ACBD4: variants seen among roughly 807,000 people sequenced by gnomAD.
ACBD4 encodes the protein acyl-CoA-binding domain-containing protein 4.
A neutral mutation model predicts 46.0 loss-of-function variants in ACBD4; 41 were observed. The observed-to-expected ratio is 0.89, with a 90% CI of 0.69 to 1.16. ACBD4 has a LOEUF of 1.16. Among genes scored for constraint, ACBD4 ranks in the 50% most tolerant of loss-of-function variants. The probability of loss-of-function intolerance (pLI) is 0.00; values close to 1 mark genes in which losing one functional copy is unlikely to be tolerated. For synonymous variants in ACBD4, 162 were observed against 155.9 expected, an observed-to-expected ratio of 1.04 and a Z score of -0.29; for missense variants, 393 against 399.5, an observed-to-expected ratio of 0.98 and a Z score of 0.14.
rs1567896168 is a variant in ACBD4, at chr17:45,136,206, G to A, written c.62G>A (p.Ser21Asn). ...CAGAAACAGTTCCAGGCTGCAGTGAGCGTCATCCAGAACCTGCCCAAGAAC... is the reference window on the plus strand; with the variant it reads ...CAGAAACAGTTCCAGGCTGCAGTGAACGTCATCCAGAACCTGCCCAAGAAC... ...DCQKQFQAAV[S>N]VIQNLPKNGS... Residue 21 changes from serine to asparagine, a missense_variant, in exon 2 of 10, where the codon AGC (serine) becomes AAC (asparagine). Around this residue, in one of 3 missense-constraint regions of ACBD4, gnomAD observed 61 missense variants for 50.3 expected, o/e 1.21. Coordinates refer to ENST00000321854, the MANE Select transcript of ACBD4 (RefSeq NM_001135705.3). The A allele has an allele frequency of 1.2e-6, 2 of 1,613,570 alleles. No homozygotes were observed. The highest frequency in any genetic ancestry group is 1.3e-5 in the African/African-American group (1 of 74,896).
intron 5 of ACBD4, 79 bp downstream of exon 5, chr17:45,137,218 G>A (rs2054910559): frequency 1.2e-6 from 2 of 1,605,816 alleles, no homozygotes; most frequent in Admixed American, 1.7e-5. Context: ...TGGGGGCAGA[G>A]GGCTCCAGGC....
chr17:45,137,099 C>T lies in ACBD4; in HGVS notation c.375C>T (p.Asp125=). ...AGCCCCTGTACCAGGTGATCCCTGA[C>T]ATGCCGAGGCCCCCAGAGACCTTCC... The part of the protein sequence containing the change: ...YFEPLYQVIP[D]MPRPPETFLR... Residue 125 remains aspartate, a synonymous_variant, in exon 5 of 10, where the codon GAC becomes GAT. Transcript: ENST00000321854. 6.2e-7 allele frequency: 1 copy of T among 1,614,138 alleles called. No homozygotes were observed. Among genetic ancestry groups the T allele is most frequent in the Non-Finnish European group, 8.5e-7 (1 of 1,180,020 alleles).
chr17:45,137,554 C>T, intron 6 of ACBD4, 100 bp downstream of exon 6: 1 of 1,435,142 alleles, frequency 7.0e-7, no homozygotes, highest in South Asian at 1.2e-5. Context: ...GACACTGAGA[C>T]TTCCTGTGCT....
At chr17:45,133,733 G>T (rs1355551427), upstream of ACBD4, among the ~76,000 whole-genome samples, 2 of 151,024 alleles carry the variant, frequency 1.3e-5, no homozygotes, top group Non-Finnish European at 3.0e-5. Flanking sequence ...GGGTTTCACC[G>T]TTTTAGCCGG....
chr17:45,133,528 T>C (rs1052700119), upstream of ACBD4, among the ~76,000 whole-genome samples: 9,888 of 119,408 alleles, frequency 0.083, 556 homozygotes, highest in East Asian at 0.16. Context: ...TTCTTTTTTT[T>C]TTTTTTTTTT....
Position 45,137,971 on chromosome 17 carries a change from T to G in ACBD4, c.632T>G (p.Val211Gly). The G allele has an allele frequency of 1.2e-6, 2 of 1,613,672 alleles. No homozygotes were observed. Among genetic ancestry groups the G allele is most frequent in the Non-Finnish European group, 1.7e-6 (2 of 1,179,938 alleles). Residue 211 changes from valine to glycine, a missense_variant, in exon 8 of 10, where the codon GTG (valine) becomes GGG (glycine). Physicochemically the swap from Val to Gly is moderately radical, Grantham distance 109. Around this residue, in one of 3 missense-constraint regions of ACBD4, gnomAD observed 308 missense variants for 301.8 expected, o/e 1.02. Transcript: ENST00000321854. ...GGKRDPRNSP[V>G]PPTKKEGLRG... ...AAGCGTGATCCCAGGAACAGCCCCG[T>G]GCCCCCCACAAAGAAAGGTGAGCTC...
In ACBD4 at chr17:45,137,937, T is replaced by C; in HGVS notation, c.598T>C (p.Ser200Pro). ...GGTTTGGACAGAGCAGCGGGCAGCA[T>C]CTGGAGGAAAGCGTGATCCCAGGAA... ...ELVWTEQRAA[S>P]GGKRDPRNSP... The change falls in exon 8 of 10, where the codon TCT becomes CCT. Residue 200 changes from serine to proline, a missense_variant. Coordinates refer to ENST00000321854, the MANE Select transcript of ACBD4 (RefSeq NM_001135705.3). The C allele has an allele frequency of 6.2e-7, 1 of 1,613,118 alleles. No individual in the cohort carries two copies. The highest frequency in any genetic ancestry group is 1.1e-5 in the South Asian group (1 of 91,042).
At chr17:45,132,444 C>G (rs1195813277), upstream of ACBD4, 1 of 1,178,690 alleles carries the variant, frequency 8.5e-7, no homozygotes, top group East Asian at 3.7e-5. The surrounding 1 kb of genome is among the most constrained non-coding windows in gnomAD (Gnocchi z 4.6). Context: ...GGCCCGGGGT[C>G]TGCACGCGGG....
chr17:45,133,692 C>T (rs534150184), upstream of ACBD4, among the ~76,000 whole-genome samples: 38 of 151,036 alleles, frequency 2.5e-4, no homozygotes, highest in Middle Eastern at 0.014. Flanking sequence ...CCACTACGCC[C>T]GGCTAATTTT....
intron 8 of ACBD4, chr17:45,138,585 G>A (rs1296412118): frequency 5.2e-6 from 1 of 193,940 alleles, no homozygotes; most frequent in African/African-American, 2.3e-5. Context: ...GAGGTCAGGA[G>A]TTTGAGACCA....
chr17:45,143,199 T>C (rs1340400356), intron 9 of ACBD4, among the ~76,000 whole-genome samples: 1 of 152,232 alleles, frequency 6.6e-6, no homozygotes, highest in Non-Finnish European at 1.5e-5. Flanking sequence ...GAAGATGGCA[T>C]GGAAGCCGCT....
At chr17:45,135,988 A>T (rs1428410582) in intron 1 of ACBD4, 35 bp downstream of exon 1, 8 of 679,438 alleles carry the variant, frequency 1.2e-5, no homozygotes, top group African/African-American at 1.8e-5. Flanking sequence ...ACAACTTCTG[A>T]CCTCCCAGGG....
At chr17:45,140,774 A>C (rs893082258) in intron 9 of ACBD4, among the ~76,000 whole-genome samples, 4 of 152,118 alleles carry the variant, frequency 2.6e-5, no homozygotes, top group Non-Finnish European at 5.9e-5. Context: ...GCACTTTGGG[A>C]GGCCAAGGCG....
chr17:45,139,363 G>C (rs963074759), intron 9 of ACBD4, among the ~76,000 whole-genome samples: 1 of 152,168 alleles, frequency 6.6e-6, no homozygotes. Context: ...AGGCACAGTG[G>C]GTGGGGCCCT....
At chr17:45,136,254 T>C (rs1466409922) in intron 2 of ACBD4, 22 bp downstream of exon 2, 3 of 1,611,098 alleles carry the variant, frequency 1.9e-6, no homozygotes, top group Non-Finnish European at 2.5e-6. Context: ...GGGACTCGCA[T>C]TTGGACTCGC....
intron 9 of ACBD4, among the ~76,000 whole-genome samples, chr17:45,139,393 C>T (rs915216821): frequency 6.6e-6 from 1 of 152,166 alleles, no homozygotes; most frequent in Non-Finnish European, 1.5e-5. Flanking sequence ...TCCCCTCCCT[C>T]TGCCTGGAGA....
In ACBD4 at chr17:45,144,058, A is replaced by T. The variant is rs1343418690; in HGVS notation, c.*487A>T. The T allele has an allele frequency of 1.8e-5, 3 of 162,810 alleles. No homozygotes were observed. Among genetic ancestry groups the T allele is most frequent in the Non-Finnish European group, 4.0e-5 (3 of 75,084 alleles). 10.1% of individuals were successfully genotyped at this position (162,810 alleles called of 1,614,324 possible). A position where few individuals can be genotyped will look rare whatever the true frequency, so the allele number is the denominator to read the frequency against. On this transcript the variant is annotated 3_prime_UTR_variant, in exon 10 of 10. Transcript: ENST00000321854. ...GAGCAGGCCCCGGGGGAGGGGGATG[A>T]GCGCAGTTTGCTCGCTTTCCTCCCC...
In ACBD4 at chr17:45,137,120, C is replaced by G. The variant is rs771531216; in HGVS notation, c.396C>G (p.Thr132=). 12 of 1,614,016 alleles carry G rather than the reference C, an allele frequency of 7.4e-6. No homozygotes were observed. The East Asian group carries it at 2.7e-4, about 36-fold the overall frequency. The change falls in exon 5 of 10, where the codon ACC becomes ACG. Residue 132 remains threonine (T), a synonymous_variant. Transcript: ENST00000321854. ...CTGACATGCCGAGGCCCCCAGAGAC[C>G]TTCCTGAGAAGGGTCACAGGTCAGA... ...VIPDMPRPPE[T]FLRRVTGWKE...
chr17:45,143,321 T>C lies in ACBD4; in HGVS notation c.790-122T>C, dbSNP rs1598107388. 3.6e-6 allele frequency: 3 copies of C among 842,764 alleles called. No homozygotes were observed. The East Asian group carries it at 8.4e-5, about 23-fold the overall frequency. 52.2% of individuals were successfully genotyped at this position (842,764 alleles called of 1,614,324 possible). A position where few individuals can be genotyped will look rare whatever the true frequency, so the allele number is the denominator to read the frequency against. On this transcript the variant is annotated intron_variant, in intron 9 of 9. Transcript: ENST00000321854. The stretch of plus-strand genomic sequence containing the variant: ...TCAGGACCACCTGGGGGCCACTTCC[T>C]TTCTAGTGGTGCAGACTTAGGGGCA...
Sources: allele counts gnomAD v4.1 joint callset (sites outside exome capture counted in the v4.1 genomes callset), GRCh38; gene constraint gnomAD v4.1.1; regional missense constraint gnomAD v4.1.1; non-coding constraint Gnocchi (gnomAD v3.1); transcripts MANE v1.5; gene names NCBI Gene and HGNC (gene_info 2026-07-23, HGNC 2026-07-21).